Variants in GSTA2 observed in about 807,000 individuals in gnomAD.
The protein encoded by GSTA2 is glutathione S-transferase alpha 2.
A neutral mutation model predicts 22.4 loss-of-function variants in GSTA2; 27 were observed. The observed-to-expected ratio is 1.21, with a 90% CI of 0.89 to 1.67. GSTA2 has a LOEUF of 1.67. Ranked by LOEUF, GSTA2 falls within the 40% of genes most tolerant of loss-of-function variation. The pLI, the probability that GSTA2 is intolerant of heterozygous loss-of-function variation, is 0.00. For missense variants in GSTA2, 302 were observed against 260.2 expected (o/e 1.16, Z -1.11); for synonymous variants, 121 against 86.8 (o/e 1.39, Z -2.19).
At chr6:52,759,226 T>C (rs1271782537) in intron 1 of GSTA2, among the ~76,000 whole-genome samples, 1 of 152,224 alleles carries the variant, frequency 6.6e-6, no homozygotes, top group Non-Finnish European at 1.5e-5. Flanking sequence ...GCATGCTCAC[T>C]TGGTCATTGT....
intron 3 of GSTA2, 105 bp from the exon 4 acceptor site, chr6:52,755,180 G>T: frequency 1.5e-6 from 2 of 1,331,426 alleles, no homozygotes; most frequent in Non-Finnish European, 2.1e-6. Context: ...AAACGAAAAA[G>T]AAATTACTGC....
In GSTA2 at chr6:52,754,036, G is replaced by A. The variant is rs186404296; in HGVS notation, c.272+907C>T. On this transcript the variant is annotated intron_variant, in intron 4 of 6. Transcript: ENST00000493422. Reference sequence around the variant, plus strand: ...CATGTCTTTATGGTTTAACCATCTTGTAGCATGCATTCGTACTTCATTCCT... The same window carrying A: ...CATGTCTTTATGGTTTAACCATCTTATAGCATGCATTCGTACTTCATTCCT... 2.3e-3 allele frequency among the ~76,000 whole-genome samples: 348 copies of A among 152,242 alleles called. 1 individual carries two copies. Among genetic ancestry groups the A allele is most frequent in the African/African-American group, 7.7e-3 (319 of 41,530 alleles).
chr6:52,753,849 T>C (rs1762791414), intron 4 of GSTA2, among the ~76,000 whole-genome samples: 1 of 152,236 alleles, frequency 6.6e-6, no homozygotes, highest in South Asian at 2.1e-4. Context: ...TAAGGACATC[T>C]GTACCATTAG....
intron 1 of GSTA2, among the ~76,000 whole-genome samples, chr6:52,761,383 G>T (rs58699750): frequency 0.018 from 2,708 of 151,906 alleles, 87 homozygotes; most frequent in African/African-American, 0.061. Flanking sequence ...TCTATCAATC[G>T]TTCTATGTAT....
chr6:52,757,373 C>T (rs532734019), intron 2 of GSTA2, among the ~76,000 whole-genome samples: 36 of 139,596 alleles, frequency 2.6e-4, no homozygotes, highest in African/African-American at 9.1e-4. Flanking sequence ...ATGGTTTCAT[C>T]TATATGCCCA....
chr6:52,750,783 C>A, intron 6 of GSTA2, 84 bp from the exon 7 acceptor site: 4 of 1,536,982 alleles, frequency 2.6e-6, no homozygotes, highest in Non-Finnish European at 3.5e-6. Context: ...AATCTGAGTC[C>A]CTCCTGCCAA....
rs749607946 is a variant in GSTA2, at chr6:52,757,986, A to G, written c.-30-9T>C. 9 of 1,146,642 alleles carry G rather than the reference A, an allele frequency of 7.8e-6. No homozygotes were observed. The highest frequency in any genetic ancestry group is 5.9e-5 in the Admixed American group (3 of 50,902). 71.0% of individuals were successfully genotyped at this position (1,146,642 alleles called of 1,614,324 possible). A position where few individuals can be genotyped will look rare whatever the true frequency, so the allele number is the denominator to read the frequency against. On this transcript the variant is annotated splice_polypyrimidine_tract_variant and intron_variant, in intron 1 of 6. Coordinates refer to ENST00000493422, the MANE Select transcript of GSTA2 (RefSeq NM_000846.5). ...TGGAGGTTTCTCTAAGCCTGAGTGAATGAATGAATGAATGAATGAATAATT... is the reference window on the plus strand; with the variant it reads ...TGGAGGTTTCTCTAAGCCTGAGTGAGTGAATGAATGAATGAATGAATAATT...
At chr6:52,754,728 A>T (rs1581773247) in intron 4 of GSTA2, among the ~76,000 whole-genome samples, 1 of 152,176 alleles carries the variant, frequency 6.6e-6, no homozygotes, top group South Asian at 2.1e-4. Flanking sequence ...GTGTCCATGG[A>T]CTGCATCCTC....
At chr6:52,761,237 G>T (rs115644174) in intron 1 of GSTA2, among the ~76,000 whole-genome samples, 2,756 of 152,226 alleles carry the variant, frequency 0.018, 87 homozygotes, top group African/African-American at 0.061. Context: ...GATGGGTGAG[G>T]CTCTGGACAC....
chr6:52,760,306 A>T (rs1762930749), intron 1 of GSTA2, among the ~76,000 whole-genome samples: 3 of 152,370 alleles, frequency 2.0e-5, no homozygotes, highest in South Asian at 2.1e-4. Context: ...ACAACACTCC[A>T]GCTGATAATT....
chr6:52,755,632 T>G (rs1345536622), intron 3 of GSTA2, among the ~76,000 whole-genome samples: 1 of 152,182 alleles, frequency 6.6e-6, no homozygotes, highest in East Asian at 1.9e-4. Flanking sequence ...GTGGGACTCT[T>G]GAATTTTTTG....
In GSTA2 at chr6:52,754,983, T is replaced by A. The variant is rs765313343; in HGVS notation, c.232A>T (p.Lys78Ter). Residue 78 changes from lysine to a stop codon, truncating the protein, a stop_gained, in exon 4 of 7, where the codon AAA (lysine) becomes TAA (stop). Coordinates refer to ENST00000493422, the MANE Select transcript of GSTA2 (RefSeq NM_000846.5). LOFTEE classifies it high-confidence loss of function. ...ATGTCTTTCCCATAGAGGTTGTATTTGCTGGCAATGTAGTTGAGAATGGCT... is the reference window on the plus strand; with the variant it reads ...ATGTCTTTCCCATAGAGGTTGTATTAGCTGGCAATGTAGTTGAGAATGGCT... The part of the protein sequence containing the change: ...TRAILNYIAS[K>*]YNLYGKDIKE... 2 of 1,614,156 alleles carry A rather than the reference T, an allele frequency of 1.2e-6. No homozygotes were observed. Among genetic ancestry groups the A allele is most frequent in the Admixed American group, 3.3e-5 (2 of 60,014 alleles).
intron 4 of GSTA2, 94 bp from the exon 5 acceptor site, chr6:52,753,089 CA>C: frequency 8.4e-7 from 1 of 1,191,818 alleles, no homozygotes. Context: ...CAGGTGATGG[CA>C]AAATAATTCA....
rs1336316821 is a variant in GSTA2 at position 52,756,245 on chromosome 6, AG to A, written c.139+12del. 1 of 1,591,750 alleles carries A rather than the reference AG, an allele frequency of 6.3e-7. No individual in the cohort carries two copies. Among genetic ancestry groups the A allele is most frequent in the Non-Finnish European group, 8.6e-7 (1 of 1,160,322 alleles). ...AGATACCCTCATTAGAGAAACTTAG[AG>A]GTTGATCTTACCATTTCTTAACTTG... is the stretch of plus-strand genomic sequence containing the variant. On this transcript the variant is annotated intron_variant, in intron 3 of 6. Transcript: ENST00000493422.
rs1762987534 is a variant in GSTA2 at position 52,763,469 on chromosome 6, G to C, written c.-56C>G. Reference sequence around the variant, plus strand: ...TTTGTTAAATGCTGTCACCTTTGTGGCTGGACAACCGAATTCCAGGTCCTA... The same window carrying C: ...TTTGTTAAATGCTGTCACCTTTGTGCCTGGACAACCGAATTCCAGGTCCTA... On this transcript the variant is annotated 5_prime_UTR_variant, in exon 1 of 7. Transcript: ENST00000493422. 1 of 190,908 alleles carries C rather than the reference G, an allele frequency of 5.2e-6. No individual in the cohort carries two copies. The highest frequency in any genetic ancestry group is 1.1e-5 in the Non-Finnish European group (1 of 91,018). 11.8% of individuals were successfully genotyped at this position (190,908 alleles called of 1,614,324 possible).
At chr6:52,756,843 C>T (rs575156909) in intron 2 of GSTA2, among the ~76,000 whole-genome samples, 3 of 152,362 alleles carry the variant, frequency 2.0e-5, no homozygotes, top group South Asian at 4.1e-4. Flanking sequence ...CTGTAATTTT[C>T]TCTTCTGAAG....
intron 1 of GSTA2, among the ~76,000 whole-genome samples, chr6:52,758,460 A>G (rs1346452492): frequency 3.3e-5 from 5 of 152,054 alleles, no homozygotes; most frequent in African/African-American, 1.2e-4. Context: ...TTGGTGATGG[A>G]CATGAATATC....
In GSTA2 at chr6:52,750,560, C is replaced by G. The variant is rs778373899; in HGVS notation, c.*17G>C. The G allele has an allele frequency of 6.2e-7, 1 of 1,613,208 alleles. No homozygotes were observed. The highest frequency in any genetic ancestry group is 1.1e-5 in the South Asian group (1 of 91,026). On this transcript the variant is annotated 3_prime_UTR_variant, in exon 7 of 7. Coordinates refer to ENST00000493422, the MANE Select transcript of GSTA2 (RefSeq NM_000846.5). ...GAATACTGGTCTTGCATGTTCTTGA[C>G]CTCTATGGCTGGTTTATTAAAACCT...
At chr6:52,761,471 G>A (rs2608631) in intron 1 of GSTA2, among the ~76,000 whole-genome samples, 111,276 of 148,864 alleles carry the variant, frequency 0.75, 43,019 homozygotes, top group African/African-American at 0.94. Context: ...TATTTTGTCC[G>A]TAGAACTCTA....
Sources: gnomAD v4.1 joint callset for allele counts (sites outside exome capture counted in the v4.1 genomes callset) on GRCh38, gnomAD v4.1.1 for gene constraint, MANE v1.5 for transcripts, NCBI Gene and HGNC (gene_info 2026-07-23, HGNC 2026-07-21) for gene names.